Variants in ARHGAP15 observed in about 807,000 individuals in gnomAD.
ARHGAP15 encodes Rho GTPase activating protein 15.
In ARHGAP15, 51 loss-of-function variants were observed where a neutral mutation model predicts 63.7. The ratio of observed to expected loss-of-function variants is 0.80; its 90% CI spans 0.64 to 1.01. ARHGAP15 has a LOEUF of 1.01. Ranked by LOEUF, ARHGAP15 falls within the 50% of genes least tolerant of loss-of-function variation. The pLI is 0.00. For missense variants in ARHGAP15, 560 were observed against 564.6 expected, an observed-to-expected ratio of 0.99 and a Z score of 0.08; for synonymous variants, 191 against 193.8, an observed-to-expected ratio of 0.99 and a Z score of 0.12.
intron 8 of ARHGAP15, among the ~76,000 whole-genome samples, chr2:143,439,032 AATCTT>A (rs1689741283): frequency 6.6e-6 from 1 of 152,188 alleles, no homozygotes; most frequent in East Asian, 1.9e-4. Flanking sequence ...CTGAAAAAAA[AATCTT>A]AGATAGAACA....
intron 11 of ARHGAP15, among the ~76,000 whole-genome samples, chr2:143,572,771 G>A (rs141935058): frequency 2.4e-4 from 36 of 152,088 alleles, no homozygotes; most frequent in African/African-American, 7.2e-4. Context: ...AAATCCACGC[G>A]TGATTTCTGA....
chr2:143,372,154 C>G (rs114024796), intron 6 of ARHGAP15, among the ~76,000 whole-genome samples: 6,988 of 151,636 alleles, frequency 0.046, 465 homozygotes, highest in Admixed American at 0.2. Context: ...AATCTGGCAA[C>G]ATAGTGAAAC....
At chr2:143,709,768 G>C (rs1000421455) in intron 13 of ARHGAP15, among the ~76,000 whole-genome samples, 4 of 151,932 alleles carry the variant, frequency 2.6e-5, no homozygotes, top group Non-Finnish European at 4.4e-5. Flanking sequence ...GAAATATAAG[G>C]GTTGTATCAG....
chr2:143,553,516 G>T lies in ARHGAP15; in HGVS notation c.926-2892G>T, dbSNP rs141290847. On this transcript the variant is annotated intron_variant, in intron 10 of 13. Transcript: ENST00000295095. ...GAGCAGTTTCTCTGCTGTGACTCAG[G>T]TCTACAACCACAGCGGTAGCACAGG... Among the ~76,000 whole-genome samples the T allele has an allele frequency of 5.8e-3, 886 of 152,270 alleles. 10 individuals are homozygous for T. The highest frequency in any genetic ancestry group is 1.0e-2 in the Non-Finnish European group (680 of 68,012).
intron 6 of ARHGAP15, among the ~76,000 whole-genome samples, chr2:143,419,232 A>G (rs895465492): frequency 3.3e-5 from 5 of 152,152 alleles, no homozygotes; most frequent in African/African-American, 1.2e-4. Context: ...CACAAAGTAT[A>G]TAATGTGTTA....
At chr2:143,223,599 G>C (rs1041777855) in intron 4 of ARHGAP15, among the ~76,000 whole-genome samples, 1 of 152,178 alleles carries the variant, frequency 6.6e-6, no homozygotes, top group African/African-American at 2.4e-5. Flanking sequence ...TGGAAGACAG[G>C]GATAAAGGGC....
At chr2:143,679,604 T>C (rs773065290) in intron 12 of ARHGAP15, among the ~76,000 whole-genome samples, 1 of 152,086 alleles carries the variant, frequency 6.6e-6, no homozygotes, top group Non-Finnish European at 1.5e-5. Flanking sequence ...TCCAACTCTG[T>C]CCTTTTTTAT....
chr2:143,325,864 T>C (rs1684227310), intron 6 of ARHGAP15, among the ~76,000 whole-genome samples: 1 of 152,180 alleles, frequency 6.6e-6, no homozygotes. Flanking sequence ...CTATTTATTA[T>C]ATGCCAGAAA....
intron 6 of ARHGAP15, among the ~76,000 whole-genome samples, chr2:143,331,109 G>GT (rs1684528427): frequency 6.6e-6 from 1 of 152,184 alleles, no homozygotes. Context: ...GAATGAAGGA[G>GT]TTTCCCAACT....
rs1422647904 is a variant in ARHGAP15, at chr2:143,527,795, T to C, written c.925+8431T>C. On this transcript the variant is annotated intron_variant, in intron 10 of 13. Coordinates refer to ENST00000295095, the MANE Select transcript of ARHGAP15 (RefSeq NM_018460.4). ...AAATGGTGTATAATCAGATAAATTA[T>C]ATTCAACATTGCTGAAATCCTCATT... Among the ~76,000 whole-genome samples the C allele has an allele frequency of 2.6e-5, 4 of 152,098 alleles. No individual in the cohort carries two copies. In the South Asian group the frequency reaches 8.3e-4, roughly 31 times the overall value.
At chr2:143,361,903 G>A (rs1686072019) in intron 6 of ARHGAP15, among the ~76,000 whole-genome samples, 1 of 152,054 alleles carries the variant, frequency 6.6e-6, no homozygotes, top group Non-Finnish European at 1.5e-5. Context: ...TAGCCTTTAG[G>A]AAAAACAGTT....
chr2:143,457,746 C>T (rs1690731181), intron 8 of ARHGAP15, among the ~76,000 whole-genome samples: 1 of 151,410 alleles, frequency 6.6e-6, no homozygotes, highest in Admixed American at 6.6e-5. Context: ...AAATTGATAA[C>T]AAGAAATTAA....
intron 12 of ARHGAP15, among the ~76,000 whole-genome samples, chr2:143,628,689 G>A (rs1009836751): frequency 6.6e-6 from 1 of 152,068 alleles, no homozygotes; most frequent in African/African-American, 2.4e-5. Context: ...TTCCTGATGT[G>A]TCTACTTTCT....
At chr2:143,607,855 A>G (rs1698099222) in intron 11 of ARHGAP15, 1 of 152,136 alleles carries the variant, frequency 6.6e-6, no homozygotes, top group Non-Finnish European at 1.5e-5. Context: ...TTACATCTAA[A>G]ATGGTTAATA....
intron 10 of ARHGAP15, among the ~76,000 whole-genome samples, chr2:143,543,126 T>TC (rs1454925304): frequency 7.9e-5 from 12 of 151,962 alleles, no homozygotes; most frequent in Non-Finnish European, 2.9e-5. Flanking sequence ...CTATATTTTT[T>TC]CCCATAATTG....
chr2:143,239,675 C>A (rs1239864052), intron 5 of ARHGAP15, among the ~76,000 whole-genome samples: 1 of 152,114 alleles, frequency 6.6e-6, no homozygotes, highest in Non-Finnish European at 1.5e-5. Flanking sequence ...CATATCGAGA[C>A]CCTGTCTCTA....
At chr2:143,361,305 C>A (rs1317698794) in intron 6 of ARHGAP15, among the ~76,000 whole-genome samples, 1 of 152,152 alleles carries the variant, frequency 6.6e-6, no homozygotes, top group Non-Finnish European at 1.5e-5. Context: ...GAGGCACGTG[C>A]CAATTCTCAT....
At chr2:143,636,411 A>G (rs1392265616) in intron 12 of ARHGAP15, among the ~76,000 whole-genome samples, 1 of 152,140 alleles carries the variant, frequency 6.6e-6, no homozygotes, top group African/African-American at 2.4e-5. Context: ...TGTTTTAGAA[A>G]AAGTCGTCAG....
chr2:143,224,354 T>G (rs1371597284), intron 4 of ARHGAP15, among the ~76,000 whole-genome samples: 1 of 152,166 alleles, frequency 6.6e-6, no homozygotes, highest in African/African-American at 2.4e-5. Context: ...AGAAAAAATC[T>G]CGATTTTTTC....
Sources: gnomAD v4.1 joint callset for allele counts (sites outside exome capture counted in the v4.1 genomes callset) on GRCh38, gnomAD v4.1.1 for gene constraint, MANE v1.5 for transcripts, NCBI Gene and HGNC (gene_info 2026-07-23, HGNC 2026-07-21) for gene names.